The following OR14I1 variants were observed in gnomAD, a reference collection of about 807,000 sequenced individuals.
OR14I1 encodes olfactory receptor 14I1.
For missense variants in OR14I1, 279 were observed against 181.8 expected (o/e 1.53, Z -3.07); for synonymous variants, 118 against 71.1 (o/e 1.66, Z -3.32).
downstream of OR14I1, among the ~76,000 whole-genome samples, chr1:248,679,591 C>G (rs913846858): frequency 6.6e-6 from 1 of 152,126 alleles, no homozygotes; most frequent in Non-Finnish European, 1.5e-5. Flanking sequence ...CTAAAATTCC[C>G]TTAAAATAGT....
the OR14I1 span, chr1:248,691,801 G>C: frequency 2.0e-5 from 3 of 152,494 alleles, no homozygotes; most frequent in Non-Finnish European, 2.9e-5. Flanking sequence ...CGTCAGGTAC[G>C]GGTTCACCAA....
chr1:248,694,981 G>T, the OR14I1 span, among the ~76,000 whole-genome samples: 1 of 152,130 alleles, frequency 6.6e-6, no homozygotes, highest in Non-Finnish European at 1.5e-5. Context: ...CTAAGGAACT[G>T]AATTTTTAAT....
At chr1:248,688,181 G>A in the OR14I1 span, among the ~76,000 whole-genome samples, 1 of 152,208 alleles carries the variant, frequency 6.6e-6, no homozygotes, top group Non-Finnish European at 1.5e-5. Context: ...CACAGAGCTT[G>A]GACTTCCAGC....
chr1:248,693,057 C>T, the OR14I1 span, among the ~76,000 whole-genome samples: 2 of 152,292 alleles, frequency 1.3e-5, no homozygotes, highest in South Asian at 4.1e-4. Context: ...TCTAACTCTC[C>T]CTGGTTGTTC....
At chr1:248,681,871 G>T (rs535902636) in exon 1 of OR14I1, 4 of 780,956 alleles carry the variant, frequency 5.1e-6, no homozygotes, top group Non-Finnish European at 9.6e-6. Flanking sequence ...TAGCCAGGTG[G>T]TGACTGCCAT....
chr1:248,702,755 A>G, the OR14I1 span, among the ~76,000 whole-genome samples: 23 of 152,102 alleles, frequency 1.5e-4, no homozygotes, highest in African/African-American at 4.8e-4. Context: ...CTGTTCTCCT[A>G]GTGCTCTGCT....
chr1:248,682,213 A>T (rs758082013), exon 1 of OR14I1: 7 of 781,012 alleles, frequency 9.0e-6, no homozygotes, highest in Middle Eastern at 2.3e-4. Context: ...CAGATAAATC[A>T]GCAGAAACAG....
chr1:248,700,611 G>A, the OR14I1 span, among the ~76,000 whole-genome samples: 4 of 152,110 alleles, frequency 2.6e-5, no homozygotes, highest in Non-Finnish European at 4.4e-5. Context: ...ATGACAACTT[G>A]TACTCCAGAT....
At chr1:248,690,633 C>A in the OR14I1 span, among the ~76,000 whole-genome samples, 102,030 of 130,868 alleles carry the variant, frequency 0.78, 40,719 homozygotes, top group Non-Finnish European at 0.88. Context: ...AGCCCAGGAA[C>A]AGACGGATTC....
At chr1:248,693,025 A>G in the OR14I1 span, among the ~76,000 whole-genome samples, 1 of 152,226 alleles carries the variant, frequency 6.6e-6, no homozygotes, top group African/African-American at 2.4e-5. Context: ...CCTGAAGGTT[A>G]TAGGGTACTG....
exon 1 of OR14I1, chr1:248,682,046 T>C (rs765723283): frequency 1.3e-6 from 1 of 781,042 alleles, no homozygotes; most frequent in South Asian, 1.3e-5. Flanking sequence ...ATGGAGCTTC[T>C]GCGAGTCAGG....
chr1:248,680,967 CGTGTGTGT>C (rs34495040), downstream of OR14I1, among the ~76,000 whole-genome samples: 3 of 147,108 alleles, frequency 2.0e-5, no homozygotes, highest in African/African-American at 7.6e-5. Context: ...AAACTGTGTG[CGTGTGTGT>C]GTGTGTGTGT....
chr1:248,683,710 A>G (rs1661599040), upstream of OR14I1, among the ~76,000 whole-genome samples: 1 of 152,248 alleles, frequency 6.6e-6, no homozygotes, highest in Non-Finnish European at 1.5e-5. Context: ...GAAGCATTTC[A>G]TTGTATCATT....
the OR14I1 span, among the ~76,000 whole-genome samples, chr1:248,695,225 A>C: frequency 1.5e-5 from 2 of 129,460 alleles, no homozygotes; most frequent in Admixed American, 7.4e-5. Context: ...TTTTGAATGT[A>C]TGCTTTTTTT....
exon 1 of OR14I1, chr1:248,681,867 G>A (rs773865810): frequency 1.5e-5 from 12 of 780,978 alleles, no homozygotes; most frequent in South Asian, 1.1e-4. Context: ...AGCTTAGCCA[G>A]GTGGTGACTG....
At chr1:248,686,475 A>T (rs1458221620), upstream of OR14I1, among the ~76,000 whole-genome samples, 3 of 152,176 alleles carry the variant, frequency 2.0e-5, no homozygotes, top group African/African-American at 7.2e-5. Flanking sequence ...AAACCAATAC[A>T]CACTGCACCA....
At chr1:248,695,283 G>A in the OR14I1 span, among the ~76,000 whole-genome samples, 1 of 147,140 alleles carries the variant, frequency 6.8e-6, no homozygotes, top group Non-Finnish European at 1.5e-5. Flanking sequence ...GCCCGGGCTG[G>A]AGTGCAGTGG....
At chr1:248,701,545 T>C in the OR14I1 span, among the ~76,000 whole-genome samples, 2 of 152,212 alleles carry the variant, frequency 1.3e-5, no homozygotes, top group African/African-American at 2.4e-5. Context: ...TAAAACACTC[T>C]TGGTATTTAT....
chr1:248,701,951 A>G, the OR14I1 span, among the ~76,000 whole-genome samples: 1 of 152,188 alleles, frequency 6.6e-6, no homozygotes, highest in African/African-American at 2.4e-5. Context: ...GGGGGGCCTC[A>G]GGAAACTTAC....
Sources: allele counts gnomAD v4.1 joint callset (sites outside exome capture counted in the v4.1 genomes callset), GRCh38; gene constraint gnomAD v4.1.1; transcripts MANE v1.5; gene names NCBI Gene and HGNC (gene_info 2026-07-23, HGNC 2026-07-21).